The following ENTREP1 variants were observed in gnomAD, a reference collection of about 807,000 sequenced individuals.
The protein encoded by ENTREP1 is Friedreich ataxia region gene X123.
chr9:69,343,029 G>T, the ENTREP1 span, among the ~76,000 whole-genome samples: 1 of 152,220 alleles, frequency 6.6e-6, no homozygotes, highest in Non-Finnish European at 1.5e-5. Flanking sequence ...GCCAATTTGG[G>T]TATGCTTTAA....
the ENTREP1 span, among the ~76,000 whole-genome samples, chr9:69,363,739 G>A: frequency 3.3e-5 from 5 of 152,156 alleles, no homozygotes; most frequent in African/African-American, 9.7e-5. Flanking sequence ...TCTTCTTTCC[G>A]TCAGGGGTCC....
At chr9:69,359,819 G>A in the ENTREP1 span, among the ~76,000 whole-genome samples, 1 of 152,192 alleles carries the variant, frequency 6.6e-6, no homozygotes, top group African/African-American at 2.4e-5. Flanking sequence ...CTAAGCTGGA[G>A]GATGGGCAGG....
the ENTREP1 span, among the ~76,000 whole-genome samples, chr9:69,329,938 TA>T: frequency 7.5e-6 from 1 of 134,074 alleles, no homozygotes; most frequent in Middle Eastern, 3.6e-3. Context: ...CCACTGGGTT[TA>T]ATTAGATTCC....
chr9:69,370,118 A>G, the ENTREP1 span, among the ~76,000 whole-genome samples: 1 of 151,912 alleles, frequency 6.6e-6, no homozygotes, highest in East Asian at 1.9e-4. Context: ...ATAGTTGATA[A>G]TGTTAATTTT....
the ENTREP1 span, among the ~76,000 whole-genome samples, chr9:69,390,971 A>G: frequency 7.1e-6 from 1 of 140,570 alleles, no homozygotes; most frequent in African/African-American, 2.7e-5. Context: ...TTTTGTAGAG[A>G]TGGAGTCTCA....
chr9:69,360,982 C>T, the ENTREP1 span, among the ~76,000 whole-genome samples: 1 of 151,960 alleles, frequency 6.6e-6, no homozygotes, highest in Non-Finnish European at 1.5e-5. Flanking sequence ...AATTGGAATT[C>T]TCTCTCAAAA....
At chr9:69,391,738 G>C in the ENTREP1 span, 1 of 1,613,848 alleles carries the variant, frequency 6.2e-7, no homozygotes, top group Non-Finnish European at 8.5e-7. Context: ...CCGAGAGGAG[G>C]CCCCGGCGAG....
At chr9:69,369,476 AC>A in the ENTREP1 span, among the ~76,000 whole-genome samples, 1 of 152,094 alleles carries the variant, frequency 6.6e-6, no homozygotes, top group Non-Finnish European at 1.5e-5. Flanking sequence ...CTATTTCTCT[AC>A]ATCCTCTCCA....
At chr9:69,329,846 T>A in the ENTREP1 span, 1 of 81,890 alleles carries the variant, frequency 1.2e-5, no homozygotes, top group Non-Finnish European at 1.7e-5. Context: ...TAATGTTAAC[T>A]AGATTCCACT....
the ENTREP1 span, among the ~76,000 whole-genome samples, chr9:69,372,409 G>A: frequency 1.3e-5 from 2 of 152,080 alleles, no homozygotes; most frequent in African/African-American, 4.8e-5. Context: ...GAGTATCCTA[G>A]GTACCTCATA....
the ENTREP1 span, among the ~76,000 whole-genome samples, chr9:69,370,402 A>C: frequency 6.6e-6 from 1 of 152,174 alleles, no homozygotes; most frequent in Non-Finnish European, 1.5e-5. Flanking sequence ...GATACAGTGC[A>C]AGAGGGGACA....
the ENTREP1 span, chr9:69,385,879 G>A: frequency 1.1e-4 from 181 of 1,611,820 alleles, no homozygotes; most frequent in African/African-American, 1.7e-3. Context: ...ATCAGAAGCC[G>A]GAGAGCCCTC....
the ENTREP1 span, among the ~76,000 whole-genome samples, chr9:69,333,310 ATAT>A: frequency 2.0e-5 from 3 of 151,768 alleles, no homozygotes; most frequent in Admixed American, 6.6e-5. Context: ...CCTTTTAATA[ATAT>A]TATTATTTTT....
chr9:69,391,883 A>C, the ENTREP1 span: 2 of 1,384,304 alleles, frequency 1.4e-6, no homozygotes, highest in South Asian at 2.6e-5. Flanking sequence ...GCTGTGGTCC[A>C]CCTCAAAAAA....
chr9:69,375,820 C>G, the ENTREP1 span: 2 of 1,614,074 alleles, frequency 1.2e-6, no homozygotes, highest in Non-Finnish European at 1.7e-6. Context: ...TGCCTTGAAA[C>G]TCTTTCCGGT....
the ENTREP1 span, among the ~76,000 whole-genome samples, chr9:69,327,980 T>C: frequency 2.0e-5 from 3 of 152,300 alleles, no homozygotes; most frequent in Non-Finnish European, 2.9e-5. Context: ...CTCTTGGTGC[T>C]TTAGGGGAAA....
the ENTREP1 span, among the ~76,000 whole-genome samples, chr9:69,391,028 C>G: frequency 6.6e-6 from 1 of 151,180 alleles, no homozygotes; most frequent in Admixed American, 6.6e-5. Flanking sequence ...AAGTAATCCT[C>G]CTGACTCAGC....
chr9:69,337,121 T>C, the ENTREP1 span, among the ~76,000 whole-genome samples: 1 of 147,918 alleles, frequency 6.8e-6, no homozygotes, highest in African/African-American at 2.5e-5. Context: ...TTTAAGCAAT[T>C]GTCATGCCTC....
the ENTREP1 span, chr9:69,386,097 C>A: frequency 1.7e-6 from 1 of 577,228 alleles, no homozygotes; most frequent in Non-Finnish European, 2.7e-6. Flanking sequence ...GTAAAATATT[C>A]TACGTCCATG....
Sources: gnomAD v4.1 joint callset for allele counts (sites outside exome capture counted in the v4.1 genomes callset) on GRCh38, gnomAD v4.1.1 for gene constraint, MANE v1.5 for transcripts, NCBI Gene and HGNC (gene_info 2026-07-23, HGNC 2026-07-21) for gene names.